The following UBR1 variants were observed in gnomAD, a reference collection of about 807,000 sequenced individuals.
UBR1 encodes ubiquitin protein ligase E3 component n-recognin 1, also known as E3 ubiquitin-protein ligase UBR1.
UBR1 carries 102 observed loss-of-function variants against 242.1 expected under a neutral mutation model. The observed-to-expected ratio is 0.42, with a 90% confidence interval of 0.36 to 0.50. UBR1 has a LOEUF of 0.50. Ranked by LOEUF, UBR1 falls within the 20% of genes least tolerant of loss-of-function variation. UBR1 has a pLI of 0.01. For synonymous variants in UBR1, 675 were observed against 684.8 expected (o/e 0.99, Z 0.22); for missense variants, 1,772 against 2,101.8 (o/e 0.84, Z 3.07).
intron 10 of UBR1, 49 bp downstream of exon 10, chr15:43,058,291 AT>A (rs1393939722): frequency 8.7e-7 from 1 of 1,147,860 alleles, no homozygotes; most frequent in East Asian, 2.5e-5. Context: ...TAATTCATTT[AT>A]AAAAACTGCC....
intron 40 of UBR1, among the ~76,000 whole-genome samples, chr15:42,968,822 C>T (rs982746564): frequency 6.6e-5 from 10 of 152,102 alleles, no homozygotes; most frequent in Non-Finnish European, 1.5e-4. Flanking sequence ...CCAGCTTCAT[C>T]CATATCCCTG....
Position 42,990,989 on chromosome 15 carries a change from T to C in UBR1, c.3758-869A>G, listed in dbSNP as rs8030900. ...TTTTTTTTTTTTTCAAGAGATGAGG[T>C]CTTAGCTGGGCATGATGGCTCAAAC... On this transcript the variant is annotated intron_variant, in intron 33 of 46. Coordinates refer to ENST00000290650, the MANE Select transcript of UBR1 (RefSeq NM_174916.3). Among the ~76,000 whole-genome samples, 1,328 of 150,748 alleles carry C rather than the reference T, an allele frequency of 8.8e-3. 25 individuals are homozygous for C. The highest frequency in any genetic ancestry group is 0.03 in the African/African-American group (1,247 of 41,024).
chr15:43,094,343 C>T (rs935901012), intron 1 of UBR1, among the ~76,000 whole-genome samples: 2 of 151,842 alleles, frequency 1.3e-5, no homozygotes, highest in Non-Finnish European at 2.9e-5. Context: ...GCAGGAGAAT[C>T]GCTTGAACCT....
intron 2 of UBR1, 59 bp downstream of exon 2, chr15:43,085,920 CAAAAA>C (rs77056940): frequency 1.5e-4 from 192 of 1,245,522 alleles, no homozygotes; most frequent in Admixed American, 3.1e-4. Context: ...GACTCTGTTT[CAAAAA>C]AAAAAAAAAA....
intron 15 of UBR1, 97 bp from the exon 16 acceptor site, chr15:43,038,329 C>T (rs1193593940): frequency 7.9e-7 from 1 of 1,258,692 alleles, no homozygotes; most frequent in East Asian, 2.4e-5. Flanking sequence ...TTTGATTTGG[C>T]TGGGCGCGGT....
intron 1 of UBR1, among the ~76,000 whole-genome samples, chr15:43,093,811 A>AC (rs1567151031): frequency 6.7e-6 from 1 of 149,210 alleles, no homozygotes; most frequent in Non-Finnish European, 1.5e-5. Flanking sequence ...AAAAAAAAAA[A>AC]CCAAAAAGGC....
chr15:43,011,596 TTAA>T (rs1205292314), intron 29 of UBR1, among the ~76,000 whole-genome samples: 1 of 152,226 alleles, frequency 6.6e-6, no homozygotes, highest in Non-Finnish European at 1.5e-5. Flanking sequence ...ATCTGTAATT[TTAA>T]TAATATCACA....
chr15:42,991,605 G>GAA (rs201277141), intron 33 of UBR1, among the ~76,000 whole-genome samples: 3 of 148,290 alleles, frequency 2.0e-5, no homozygotes, highest in African/African-American at 7.4e-5. Context: ...ATGTCAGGTT[G>GAA]AAAAAAAAAA....
At chr15:43,097,727 C>T (rs1394995586) in intron 1 of UBR1, among the ~76,000 whole-genome samples, 1 of 152,248 alleles carries the variant, frequency 6.6e-6, no homozygotes, top group East Asian at 1.9e-4. Flanking sequence ...GCAGCTTCCT[C>T]ACTTCTCTCA....
chr15:42,943,471 C>A lies in UBR1; in HGVS notation c.*1858G>T, dbSNP rs189631484. On this transcript the variant is annotated 3_prime_UTR_variant, in exon 47 of 47. Coordinates refer to ENST00000290650, the MANE Select transcript of UBR1 (RefSeq NM_174916.3). ...TCTGAATCAATCTCAATCAGTGGAACGCAATATGAAATGGGTTCTTTGGCA... is the reference window on the plus strand; with the variant it reads ...TCTGAATCAATCTCAATCAGTGGAAAGCAATATGAAATGGGTTCTTTGGCA... The A allele has an allele frequency of 6.6e-6, 1 of 152,584 alleles. No individual in the cohort carries two copies. The highest frequency in any genetic ancestry group is 1.5e-5 in the Non-Finnish European group (1 of 68,036). 9.5% of individuals were successfully genotyped at this position (152,584 alleles called of 1,614,324 possible). A position where few individuals can be genotyped will look rare whatever the true frequency, so the allele number is the denominator to read the frequency against.
chr15:43,079,356 TATAAACTAAG>T lies in UBR1; in HGVS notation c.417+3272_417+3281del, dbSNP rs2033946820. Among the ~76,000 whole-genome samples the T allele has an allele frequency of 3.9e-5, 6 of 152,138 alleles. No homozygotes were observed. The South Asian group carries it at 1.2e-3, about 31-fold the overall frequency. ...TGTAAAAACAAATTAAAAATAAGAC[TATAAACTAAG>T]AAAACTTTCTGCAAATAAAAGAACA... On this transcript the variant is annotated intron_variant, in intron 3 of 46. Transcript: ENST00000290650.
chr15:43,057,907 C>T (rs1048102039), intron 10 of UBR1, among the ~76,000 whole-genome samples: 8 of 151,342 alleles, frequency 5.3e-5, no homozygotes, highest in Non-Finnish European at 8.8e-5. Flanking sequence ...CGTATGAGAA[C>T]GAACTTTTTT....
chr15:42,999,368 T>C (rs987650411), intron 32 of UBR1, among the ~76,000 whole-genome samples: 1 of 152,244 alleles, frequency 6.6e-6, no homozygotes, highest in African/African-American at 2.4e-5. Flanking sequence ...CTGACAACTC[T>C]GTCTATAAAT....
At chr15:43,002,457 G>A in intron 32 of UBR1, 98 bp downstream of exon 32, 3 of 1,378,540 alleles carry the variant, frequency 2.2e-6, no homozygotes, top group Non-Finnish European at 3.0e-6. Flanking sequence ...CTGAGCTCTG[G>A]CAATCCGCCC....
intron 27 of UBR1, among the ~76,000 whole-genome samples, chr15:43,017,517 C>T (rs534506842): frequency 2.6e-5 from 4 of 152,068 alleles, no homozygotes; most frequent in African/African-American, 9.7e-5. Flanking sequence ...AACAAAGACA[C>T]AAAATGGTGA....
In UBR1 at chr15:43,024,847, G is replaced by A. The variant is rs372822369; in HGVS notation, c.2721C>T (p.Thr907=). The A allele has an allele frequency of 1.4e-4, 225 of 1,614,090 alleles. No individual in the cohort carries two copies. The highest frequency in any genetic ancestry group is 1.7e-4 in the Non-Finnish European group (206 of 1,180,012). ...RAIDTDSNLW[T]EGMLQMAFHI... is the part of the protein sequence containing the mutation. ...AACAAACCATTTGGAGCATCCCTTC[G>A]GTCCACAAGTTAGAATCTGTGTCTA... The change falls in exon 25 of 47, where the codon ACC becomes ACT. Residue 907 remains threonine (T), a synonymous_variant. Coordinates refer to ENST00000290650, the MANE Select transcript of UBR1 (RefSeq NM_174916.3).
chr15:43,012,745 C>T (rs1454643065), intron 29 of UBR1, among the ~76,000 whole-genome samples: 1 of 152,128 alleles, frequency 6.6e-6, no homozygotes, highest in Non-Finnish European at 1.5e-5. Flanking sequence ...TATAGTCAGC[C>T]AAGGAAAGCA....
rs373699629 is a variant in UBR1 at position 42,988,870 on chromosome 15, G to C, written c.3946C>G (p.Arg1316Gly). 1.1e-5 allele frequency: 18 copies of C among 1,614,054 alleles called. No homozygotes were observed. In the African/African-American group the frequency reaches 1.9e-4, roughly 17 times the overall value. ...GTGCTCCAGGTCAGCATGGGGACTC[G>C]AGGATCCCTTTCATCAGGTGGCACT... ...LKVPPDERDP[R>G]VPMLTWSTCA... Residue 1316 changes from arginine to glycine, a missense_variant, in exon 35 of 47, where the codon CGA becomes GGA. By Grantham distance (125) the Arg-to-Gly change is moderately radical. Around this residue, in one of 3 missense-constraint regions of UBR1, gnomAD observed 965 missense variants for 1,079.7 expected, o/e 0.89. Coordinates refer to ENST00000290650, the MANE Select transcript of UBR1 (RefSeq NM_174916.3).
chr15:43,071,597 C>T (rs143113399), intron 4 of UBR1, among the ~76,000 whole-genome samples: 7 of 152,128 alleles, frequency 4.6e-5, no homozygotes, highest in East Asian at 1.9e-4. Context: ...TTCTTAAAAA[C>T]GGTTAAGATG....
Sources: gnomAD v4.1 joint callset for allele counts (sites outside exome capture counted in the v4.1 genomes callset) on GRCh38, gnomAD v4.1.1 for gene constraint, gnomAD v4.1.1 regional missense constraint, MANE v1.5 for transcripts, NCBI Gene and HGNC (gene_info 2026-07-23, HGNC 2026-07-21) for gene names.